The following ATXN1 variants were observed in gnomAD, a reference collection of about 807,000 sequenced individuals.
ATXN1 encodes the protein ataxin 1.
A neutral mutation model predicts 56.4 loss-of-function variants in ATXN1; 8 were observed. The observed-to-expected ratio is 0.14, with a 90% confidence interval of 0.08 to 0.26. The LOEUF (loss-of-function observed/expected upper bound fraction) is 0.26. ATXN1 is among the 10% of genes least tolerant of loss of function. ATXN1 has a pLI of 1.00. For missense variants in ATXN1, 987 were observed against 1,106.5 expected (o/e 0.89, Z 1.53); for synonymous variants, 514 against 494.6 (o/e 1.04, Z -0.52).
At chr6:16,501,388 T>C (rs930725132) in intron 5 of ATXN1, among the ~76,000 whole-genome samples, 1 of 152,198 alleles carries the variant, frequency 6.6e-6, no homozygotes, top group Non-Finnish European at 1.5e-5. Flanking sequence ...ACATGTGCCA[T>C]GGTGGTTTGC....
chr6:16,501,472 C>T (rs1041045255), intron 5 of ATXN1, among the ~76,000 whole-genome samples: 1 of 152,140 alleles, frequency 6.6e-6, no homozygotes, highest in Non-Finnish European at 1.5e-5. Context: ...TCTCCCTCCC[C>T]TTGCCCCCCA....
At chr6:16,704,639 C>T (rs1040703847) in intron 2 of ATXN1, among the ~76,000 whole-genome samples, 39 of 152,120 alleles carry the variant, frequency 2.6e-4, no homozygotes, top group Admixed American at 2.4e-3. Flanking sequence ...CCTTTGAAGC[C>T]GCAGTGCAAT....
intron 4 of ATXN1, among the ~76,000 whole-genome samples, chr6:16,560,869 A>G (rs1003979828): frequency 6.6e-6 from 1 of 152,192 alleles, no homozygotes; most frequent in Non-Finnish European, 1.5e-5. Context: ...AAGCTGGCTG[A>G]AATTCACAGG....
intron 4 of ATXN1, among the ~76,000 whole-genome samples, chr6:16,579,480 G>GC (rs796374864): frequency 0.054 from 1,172 of 21,806 alleles, 147 homozygotes; most frequent in Non-Finnish European, 0.089. Flanking sequence ...CTTGGTCAAA[G>GC]CCCCCCCCCC....
At chr6:16,556,105 C>T (rs1157628353) in intron 4 of ATXN1, among the ~76,000 whole-genome samples, 2 of 152,130 alleles carry the variant, frequency 1.3e-5, no homozygotes, top group African/African-American at 4.8e-5. Flanking sequence ...TTATCTTTTG[C>T]TTACAAATGA....
intron 3 of ATXN1, among the ~76,000 whole-genome samples, chr6:16,602,110 T>C (rs1762922789): frequency 6.6e-6 from 1 of 152,144 alleles, no homozygotes; most frequent in Non-Finnish European, 1.5e-5. Context: ...CCAACAGCTA[T>C]TTTACTGGTC....
chr6:16,679,748 G>A (rs1758774872), intron 2 of ATXN1, among the ~76,000 whole-genome samples: 1 of 152,104 alleles, frequency 6.6e-6, no homozygotes, highest in Non-Finnish European at 1.5e-5. Context: ...ATTAAGTATT[G>A]TATCACTACA....
chr6:16,367,274 G>A (rs1477489015), intron 6 of ATXN1, among the ~76,000 whole-genome samples: 1 of 152,080 alleles, frequency 6.6e-6, no homozygotes, highest in African/African-American at 2.4e-5. Context: ...GAAAGGGGCA[G>A]TTATAAATTG....
At chr6:16,583,246 G>A (rs1041042320) in intron 4 of ATXN1, among the ~76,000 whole-genome samples, 1 of 152,180 alleles carries the variant, frequency 6.6e-6, no homozygotes, top group Non-Finnish European at 1.5e-5. Flanking sequence ...CGAATGCAGC[G>A]TCTACATACA....
At chr6:16,354,708 C>G (rs1761648855) in intron 6 of ATXN1, among the ~76,000 whole-genome samples, 1 of 152,146 alleles carries the variant, frequency 6.6e-6, no homozygotes, top group South Asian at 2.1e-4. Flanking sequence ...TAAAAAGAAC[C>G]TTAGTTGCTT....
chr6:16,459,212 C>T (rs891345477), intron 6 of ATXN1, among the ~76,000 whole-genome samples: 2 of 152,188 alleles, frequency 1.3e-5, no homozygotes, highest in African/African-American at 2.4e-5. Flanking sequence ...GAACAAGTTA[C>T]CCATTTGTTG....
intron 3 of ATXN1, among the ~76,000 whole-genome samples, chr6:16,598,560 T>C (rs12214893): frequency 0.55 from 83,379 of 152,042 alleles, 25,063 homozygotes; most frequent in Admixed American, 0.69. Flanking sequence ...AGAAGGTTGT[T>C]ACGTATATAA....
rs948602687 is a variant in ATXN1 at position 16,603,778 on chromosome 6, T to C, written c.-488-17871A>G. ...GAAGTGGGGGAAGTGTTCCACCAGG[T>C]GAAACTGGCCTGGTGGCTGTGGGGT... On this transcript the variant is annotated intron_variant, in intron 3 of 7. Transcript: ENST00000436367. Among the ~76,000 whole-genome samples, 4 of 151,844 alleles carry C rather than the reference T, an allele frequency of 2.6e-5. 1 individual carries two copies. In the East Asian group the frequency reaches 7.8e-4, roughly 29 times the overall value.
chr6:16,667,104 T>C (rs1452233742), intron 2 of ATXN1: 1 of 152,206 alleles, frequency 6.6e-6, no homozygotes, highest in African/African-American at 2.4e-5. Context: ...CTCTAAGCCC[T>C]AGAACCATCC....
At chr6:16,664,022 C>T (rs955388865) in intron 2 of ATXN1, among the ~76,000 whole-genome samples, 1 of 152,198 alleles carries the variant, frequency 6.6e-6, no homozygotes, top group Non-Finnish European at 1.5e-5. Flanking sequence ...GCATGTGATG[C>T]ATCACCGAAG....
intron 7 of ATXN1, among the ~76,000 whole-genome samples, chr6:16,310,102 A>G (rs984974108): frequency 6.6e-6 from 1 of 151,858 alleles, no homozygotes; most frequent in Non-Finnish European, 1.5e-5. Flanking sequence ...CAAAATACAT[A>G]TTATCTCCAA....
intron 4 of ATXN1, among the ~76,000 whole-genome samples, chr6:16,537,137 T>C (rs977361435): frequency 2.0e-5 from 3 of 152,116 alleles, no homozygotes; most frequent in Non-Finnish European, 4.4e-5. Flanking sequence ...ATGAGATTAT[T>C]ATTATCTTTT....
intron 5 of ATXN1, among the ~76,000 whole-genome samples, chr6:16,519,571 C>T (rs751551380): frequency 1.2e-4 from 19 of 152,200 alleles, no homozygotes; most frequent in Non-Finnish European, 2.8e-4. Context: ...TAAATGAGCA[C>T]TCTGTTTCCC....
chr6:16,475,532 T>C (rs1410927898), intron 6 of ATXN1, among the ~76,000 whole-genome samples: 2 of 152,190 alleles, frequency 1.3e-5, no homozygotes, highest in Non-Finnish European at 2.9e-5. Context: ...AGGGTAGGTG[T>C]GGTCAGACCT....
Sources: allele counts gnomAD v4.1 joint callset (sites outside exome capture counted in the v4.1 genomes callset), GRCh38; gene constraint gnomAD v4.1.1; transcripts MANE v1.5; gene names NCBI Gene and HGNC (gene_info 2026-07-23, HGNC 2026-07-21).